Variants in DLEU7 observed in about 807,000 individuals in gnomAD.
DLEU7 encodes the protein deleted in lymphocytic leukemia 7.
A neutral mutation model predicts 16.0 loss-of-function variants in DLEU7; 17 were observed. The observed-to-expected ratio is 1.06, with a 90% CI of 0.73 to 1.59. The LOEUF (loss-of-function observed/expected upper bound fraction) is 1.59, where lower values mean the gene tolerates loss of function less well. DLEU7 is among the 40% of genes most tolerant of loss of function. The probability of loss-of-function intolerance (pLI) is 0.00; values close to 1 mark genes in which losing one functional copy is unlikely to be tolerated. For synonymous variants in DLEU7, 113 were observed against 139.8 expected, an observed-to-expected ratio of 0.81 and a Z score of 1.35; for missense variants, 308 against 314.9, an observed-to-expected ratio of 0.98 and a Z score of 0.17.
intron 1 of DLEU7, among the ~76,000 whole-genome samples, chr13:50,826,403 T>C (rs1877088783): frequency 6.6e-6 from 1 of 152,092 alleles, no homozygotes; most frequent in African/African-American, 2.4e-5. Flanking sequence ...ATGATAATTA[T>C]AGTAGAAATT....
chr13:50,756,927 C>T (rs1874778893), intron 1 of DLEU7, among the ~76,000 whole-genome samples: 1 of 152,186 alleles, frequency 6.6e-6, no homozygotes, highest in East Asian at 1.9e-4. Flanking sequence ...TTGCTGGGCT[C>T]TCTAAATTGG....
chr13:50,752,738 C>T lies in DLEU7; in HGVS notation c.460-39498G>A, dbSNP rs1874609948. Among the ~76,000 whole-genome samples, 3 of 152,132 alleles carry T rather than the reference C, an allele frequency of 2.0e-5. No individual in the cohort carries two copies. In the South Asian group the frequency reaches 6.2e-4, roughly 32 times the overall value. ...CTTCAGGAGTGAAGCTGCAGACCTTCGTGGTGAGTGTTATAGCTCATAAAG... is the reference window on the plus strand; with the variant it reads ...CTTCAGGAGTGAAGCTGCAGACCTTTGTGGTGAGTGTTATAGCTCATAAAG... On this transcript the variant is annotated intron_variant, in intron 1 of 1. Coordinates refer to the DLEU7 transcript ENST00000400393.
At chr13:50,753,268 T>C (rs1413060095) in intron 1 of DLEU7, among the ~76,000 whole-genome samples, 1 of 152,262 alleles carries the variant, frequency 6.6e-6, no homozygotes, top group African/African-American at 2.4e-5. Flanking sequence ...GCACCAGGGC[T>C]GCAGGTGGAG....
rs183493253 is a variant in DLEU7, at chr13:50,816,501, A to G, written c.459+26687T>C. On this transcript the variant is annotated intron_variant, in intron 1 of 1. Transcript: ENST00000400393. ...TTTATGTATAAAAGAATAGTTAGCCATAAAAACATAATGCCATTAATAGCC... is the reference window on the plus strand; with the variant it reads ...TTTATGTATAAAAGAATAGTTAGCCGTAAAAACATAATGCCATTAATAGCC... Among the ~76,000 whole-genome samples the G allele has an allele frequency of 1.1e-3, 166 of 152,262 alleles. 1 individual carries two copies. The highest frequency in any genetic ancestry group is 3.7e-3 in the African/African-American group (155 of 41,562).
chr13:50,722,780 A>T (rs1873659271), intron 1 of DLEU7, among the ~76,000 whole-genome samples: 1 of 152,198 alleles, frequency 6.6e-6, no homozygotes, highest in African/African-American at 2.4e-5. Flanking sequence ...GAAAAATTAA[A>T]CTTATTTTGA....
intron 1 of DLEU7, among the ~76,000 whole-genome samples, chr13:50,800,247 A>T (rs911555678): frequency 1.3e-5 from 2 of 152,208 alleles, no homozygotes; most frequent in Non-Finnish European, 2.9e-5. Flanking sequence ...TAAAGCACAT[A>T]GTACTTGTAT....
chr13:50,832,982 C>T (rs560397761), intron 1 of DLEU7, among the ~76,000 whole-genome samples: 63 of 152,258 alleles, frequency 4.1e-4, no homozygotes, highest in African/African-American at 1.3e-3. Flanking sequence ...AAAAGTCCTT[C>T]GATAAAATTC....
intron 1 of DLEU7, among the ~76,000 whole-genome samples, chr13:50,793,002 G>T (rs1272394292): frequency 6.6e-6 from 1 of 151,904 alleles, no homozygotes; most frequent in East Asian, 1.9e-4. Flanking sequence ...CCCACAGGTA[G>T]TTTTTTTCAA....
chr13:50,816,277 T>G (rs1876732292), intron 1 of DLEU7, among the ~76,000 whole-genome samples: 1 of 152,172 alleles, frequency 6.6e-6, no homozygotes, highest in Non-Finnish European at 1.5e-5. Context: ...ATAGAATAGC[T>G]TATTTCTATT....
At chr13:50,729,181 C>T (rs1345929075) in intron 1 of DLEU7, among the ~76,000 whole-genome samples, 3 of 152,140 alleles carry the variant, frequency 2.0e-5, no homozygotes, top group Non-Finnish European at 2.9e-5. Flanking sequence ...ACCCTCCTCC[C>T]ACCCTCCACC....
chr13:50,803,724 A>G (rs1219186311), intron 1 of DLEU7, among the ~76,000 whole-genome samples: 1 of 152,124 alleles, frequency 6.6e-6, no homozygotes, highest in Non-Finnish European at 1.5e-5. Context: ...TCTTTAAAAA[A>G]CAGACTTCTT....
chr13:50,713,071 A>G, exon 2 of DLEU7: 1 of 824,422 alleles, frequency 1.2e-6, no homozygotes, highest in Non-Finnish European at 2.0e-6. Flanking sequence ...GCAATTGGAG[A>G]CCAATACGAA....
chr13:50,795,905 A>G (rs1876094745), intron 1 of DLEU7, among the ~76,000 whole-genome samples: 1 of 152,168 alleles, frequency 6.6e-6, no homozygotes. Context: ...TGTTAGGGCA[A>G]TTGAGTCAGA....
chr13:50,762,114 C>T (rs1874951826), intron 1 of DLEU7, among the ~76,000 whole-genome samples: 1 of 147,808 alleles, frequency 6.8e-6, no homozygotes, highest in Non-Finnish European at 1.5e-5. Context: ...TTGCTTGAGC[C>T]CGGGAGGCGG....
At chr13:50,829,658 C>T (rs568466629) in intron 1 of DLEU7, among the ~76,000 whole-genome samples, 2 of 152,198 alleles carry the variant, frequency 1.3e-5, no homozygotes, top group Non-Finnish European at 2.9e-5. Context: ...TGCAAACTCA[C>T]TTTATTTTAC....
chr13:50,765,669 C>T (rs1406793577), intron 1 of DLEU7, among the ~76,000 whole-genome samples: 4 of 151,602 alleles, frequency 2.6e-5, no homozygotes, highest in African/African-American at 9.7e-5. Context: ...TAGAAGACAC[C>T]GAGAACACAG....
intron 1 of DLEU7, among the ~76,000 whole-genome samples, chr13:50,780,451 G>T (rs1875621469): frequency 6.6e-6 from 1 of 152,162 alleles, no homozygotes; most frequent in Non-Finnish European, 1.5e-5. Flanking sequence ...GCAGACTTCT[G>T]AAAACAGCAT....
intron 1 of DLEU7, among the ~76,000 whole-genome samples, chr13:50,734,961 C>A (rs1243243665): frequency 6.6e-6 from 1 of 152,112 alleles, no homozygotes; most frequent in Admixed American, 6.5e-5. Context: ...TAGAAGGATA[C>A]ATACCATGCA....
chr13:50,790,297 TTAAAAA>T (rs761357589), intron 1 of DLEU7, among the ~76,000 whole-genome samples: 57 of 152,240 alleles, frequency 3.7e-4, no homozygotes, highest in African/African-American at 8.7e-4. Context: ...CTTTCTTTTG[TTAAAAA>T]TAAAAATAAA....
Sources: allele counts gnomAD v4.1 joint callset (sites outside exome capture counted in the v4.1 genomes callset), GRCh38; gene constraint gnomAD v4.1.1; transcripts MANE v1.5; gene names NCBI Gene and HGNC (gene_info 2026-07-23, HGNC 2026-07-21).